Variants in CDH13 observed in about 807,000 individuals in gnomAD.
CDH13 encodes cadherin 13, also known as cadherin-13.
Under a neutral mutation model 63.8 loss-of-function variants are expected in CDH13, and 24 were observed. That is an observed-to-expected ratio of 0.38 (90% CI 0.27 to 0.53). The LOEUF is 0.53. CDH13 is among the 20% of genes least tolerant of loss of function. The pLI is 0.85. For synonymous variants in CDH13, 503 were observed against 355.3 expected, an observed-to-expected ratio of 1.42 and a Z score of -4.67; for missense variants, 1,049 against 903.1, an observed-to-expected ratio of 1.16 and a Z score of -2.07.
At chr16:83,241,077 A>G (rs1343184767) in intron 5 of CDH13, among the ~76,000 whole-genome samples, 1 of 152,172 alleles carries the variant, frequency 6.6e-6, no homozygotes, top group Non-Finnish European at 1.5e-5. Context: ...GTGGATTCAT[A>G]CAGTATTTGT....
intron 7 of CDH13, among the ~76,000 whole-genome samples, chr16:83,534,170 T>G (rs926937225): frequency 6.6e-6 from 1 of 152,180 alleles, no homozygotes; most frequent in African/African-American, 2.4e-5. Flanking sequence ...CTTTCTGTCT[T>G]TAAGGATTTA....
chr16:83,455,898 A>T (rs922688834), intron 6 of CDH13, among the ~76,000 whole-genome samples: 2 of 152,244 alleles, frequency 1.3e-5, no homozygotes, highest in Non-Finnish European at 2.9e-5. Context: ...AGCTCTGGAA[A>T]AACGACAGAC....
intron 2 of CDH13, among the ~76,000 whole-genome samples, chr16:82,899,848 T>C (rs1385443828): frequency 6.6e-6 from 1 of 152,218 alleles, no homozygotes; most frequent in African/African-American, 2.4e-5. Flanking sequence ...TTCTCTTTGC[T>C]GTTATTTCTC....
intron 4 of CDH13, among the ~76,000 whole-genome samples, chr16:83,165,567 A>G (rs1031017927): frequency 1.3e-5 from 2 of 152,218 alleles, no homozygotes; most frequent in East Asian, 1.9e-4. Context: ...AGTGGTCACA[A>G]ATGAGAAGAG....
intron 6 of CDH13, among the ~76,000 whole-genome samples, chr16:83,450,911 A>G (rs193190538): frequency 7.4e-4 from 113 of 152,130 alleles, no homozygotes; most frequent in Admixed American, 3.7e-3. Flanking sequence ...ATGATGTAAA[A>G]CAGTAGTTCT....
In CDH13 at chr16:83,465,672, C is replaced by G. The variant is rs148914733; in HGVS notation, c.782-20805C>G. ...ATGGAACACTCAAAGCAGACCTCCC[C>G]ATCAGCTCAGAGACAATTGATGGTC... is the stretch of plus-strand genomic sequence containing the variant. On this transcript the variant is annotated intron_variant, in intron 6 of 13. Transcript: ENST00000567109. 3.3e-3 allele frequency among the ~76,000 whole-genome samples: 507 copies of G among 152,326 alleles called. 4 individuals are homozygous for G. The highest frequency in any genetic ancestry group is 0.012 in the African/African-American group (487 of 41,578).
chr16:83,569,874 C>T (rs12925415), intron 7 of CDH13, among the ~76,000 whole-genome samples: 3 of 151,900 alleles, frequency 2.0e-5, no homozygotes, highest in Non-Finnish European at 4.4e-5. Flanking sequence ...GTAGCTGGGA[C>T]TACAGGTGCA....
At chr16:83,726,622 TGAG>T (rs1381575761) in intron 10 of CDH13, among the ~76,000 whole-genome samples, 2 of 152,016 alleles carry the variant, frequency 1.3e-5, no homozygotes, top group Non-Finnish European at 2.9e-5. Context: ...GATCACGAGG[TGAG>T]GAGATCAAGA....
At chr16:83,032,788 C>T (rs868062965) in intron 3 of CDH13, among the ~76,000 whole-genome samples, 2 of 152,092 alleles carry the variant, frequency 1.3e-5, no homozygotes, top group Non-Finnish European at 2.9e-5. Context: ...CAGAGTCAGC[C>T]CTATTCACCT....
At chr16:83,014,748 A>ATATATATATATATATATATG (rs1914531873) in intron 2 of CDH13, among the ~76,000 whole-genome samples, 7 of 29,048 alleles carry the variant, frequency 2.4e-4, no homozygotes, top group Non-Finnish European at 5.5e-4. Context: ...AAAAAAATAT[A>ATATATATATATATATATATG]TATATATATA....
chr16:82,899,032 C>T (rs1017253041), intron 2 of CDH13, among the ~76,000 whole-genome samples: 1 of 152,214 alleles, frequency 6.6e-6, no homozygotes, highest in Non-Finnish European at 1.5e-5. Context: ...CAAGATCACA[C>T]TCATCAACTA....
chr16:82,922,564 G>A (rs941544482), intron 2 of CDH13, among the ~76,000 whole-genome samples: 1 of 152,162 alleles, frequency 6.6e-6, no homozygotes, highest in African/African-American at 2.4e-5. Context: ...TTAAGGTAAT[G>A]TATGCTGCTA....
chr16:83,497,235 A>C (rs533224406), intron 7 of CDH13, among the ~76,000 whole-genome samples: 37 of 152,112 alleles, frequency 2.4e-4, no homozygotes, highest in African/African-American at 8.7e-4. Context: ...GGCACTATTC[A>C]CAATAGCAAA....
chr16:83,570,956 TATATATATATATATAA>T (rs1408924630), intron 7 of CDH13, among the ~76,000 whole-genome samples: 1 of 137,166 alleles, frequency 7.3e-6, no homozygotes, highest in Admixed American at 7.6e-5. Context: ...CATATATATA[TATATATATATATATAA>T]AAACCTTCTG....
chr16:83,216,429 T>TATATATATAA lies in CDH13; in HGVS notation c.484-907_484-906insAATATATATA, dbSNP rs1555513906. Among the ~76,000 whole-genome samples the TATATATATAA allele has an allele frequency of 9.7e-4, 103 of 105,682 alleles. 5 individuals carry two copies. Among genetic ancestry groups the TATATATATAA allele is most frequent in the African/African-American group, 1.5e-3 (45 of 30,750 alleles). The allele number at this position is 105,682 out of a possible 152,430, so 69.3% of individuals were successfully genotyped here. A position where few individuals can be genotyped will look rare whatever the true frequency, so the allele number is the denominator to read the frequency against. Reference sequence around the variant, plus strand: ...ATATATATATATATATATATATATATATATATATATATATACACAACCCTA... The same window carrying TATATATATAA: ...ATATATATATATATATATATATATATATATATATAAATATATATATATATACACAACCCTA... On this transcript the variant is annotated intron_variant, in intron 4 of 13. Transcript: ENST00000567109.
At chr16:82,967,115 G>A (rs904568510) in intron 2 of CDH13, among the ~76,000 whole-genome samples, 3 of 151,872 alleles carry the variant, frequency 2.0e-5, no homozygotes, top group African/African-American at 4.8e-5. Context: ...TAGTTTGTTC[G>A]GTGTCTCCCA....
At chr16:83,629,578 C>T (rs949778399) in intron 8 of CDH13, among the ~76,000 whole-genome samples, 1 of 152,214 alleles carries the variant, frequency 6.6e-6, no homozygotes, top group African/African-American at 2.4e-5. Flanking sequence ...CATCTAAATT[C>T]ATAAGCTATT....
At chr16:82,826,448 G>A (rs965530745) in intron 1 of CDH13, 2 of 152,162 alleles carry the variant, frequency 1.3e-5, no homozygotes, top group African/African-American at 2.4e-5. Flanking sequence ...AAGCATTGAT[G>A]TAATTGAAAC....
rs1418988074 is a variant in CDH13, at chr16:83,191,556, T to TAC, written c.484-25779_484-25778dup. Among the ~76,000 whole-genome samples the TAC allele has an allele frequency of 6.5e-4, 83 of 126,874 alleles. 2 individuals are homozygous for TAC. In the Middle Eastern group the frequency reaches 0.012, roughly 18 times the overall value. The allele number at this position is 126,874 out of a possible 152,430, so 83.2% of individuals were successfully genotyped here. ...ATATATATATATATATATATATATATACACACACACATATATATGAAGGGG... is the reference window on the plus strand; with the variant it reads ...ATATATATATATATATATATATATATACACACACACACATATATATGAAGGGG... On this transcript the variant is annotated intron_variant, in intron 4 of 13. Coordinates refer to ENST00000567109, the MANE Select transcript of CDH13 (RefSeq NM_001257.5).
Sources: allele counts gnomAD v4.1 joint callset (sites outside exome capture counted in the v4.1 genomes callset), GRCh38; gene constraint gnomAD v4.1.1; transcripts MANE v1.5; gene names NCBI Gene and HGNC (gene_info 2026-07-23, HGNC 2026-07-21).